PLPPR5: variants seen among roughly 807,000 people sequenced by gnomAD.
PLPPR5 encodes phospholipid phosphatase-related protein type 5.
In PLPPR5, 16 loss-of-function variants were observed where a neutral mutation model predicts 33.9. The observed-to-expected ratio is 0.47, with a 90% confidence interval of 0.32 to 0.72. The LOEUF (loss-of-function observed/expected upper bound fraction) is 0.72, where lower values mean the gene tolerates loss of function less well. Among genes scored for constraint, PLPPR5 ranks in the 30% least tolerant of loss-of-function variants. The pLI is 0.03. For synonymous variants in PLPPR5, 163 were observed against 150.3 expected (o/e 1.08, Z -0.62); for missense variants, 301 against 406.7 (o/e 0.74, Z 2.23).
chr1:98,893,172 C>G, intron 5 of PLPPR5, 68 bp from the exon 6 acceptor site: 1 of 1,414,240 alleles, frequency 7.1e-7, no homozygotes. Context: ...ATATGTAGTA[C>G]CTTTACAAAT....
chr1:98,911,461 G>A (rs114630346), intron 5 of PLPPR5, among the ~76,000 whole-genome samples: 2,048 of 151,918 alleles, frequency 0.013, 18 homozygotes, highest in Non-Finnish European at 0.017. Flanking sequence ...GAATTTTTTT[G>A]CTTTTACTGT....
At chr1:98,977,737 T>A (rs991457943) in intron 1 of PLPPR5, among the ~76,000 whole-genome samples, 4 of 151,528 alleles carry the variant, frequency 2.6e-5, no homozygotes, top group African/African-American at 9.7e-5. Flanking sequence ...AACCTAACAT[T>A]TGCTTGGAAG....
chr1:99,004,450 C>A lies in PLPPR5; in HGVS notation c.222G>T (p.Gly74=), dbSNP rs1403750677. The change falls in exon 1 of 6, where the codon GGG becomes GGT. Residue 74 remains glycine (G), a synonymous_variant. Coordinates refer to ENST00000263177, the MANE Select transcript of PLPPR5 (RefSeq NM_001037317.2). Reference sequence around the variant, plus strand: ...CCGGGCTTACCACGAGCACGGGGACCCCGGCGGCCAGCGAGTAGAGGAGCA... The same window carrying A: ...CCGGGCTTACCACGAGCACGGGGACACCGGCGGCCAGCGAGTAGAGGAGCA... ...PPVLLYSLAA[G]VPVLVIIVGE... 3.7e-6 allele frequency: 6 copies of A among 1,605,784 alleles called. No homozygotes were observed. The African/African-American group carries it at 4.0e-5, about 11-fold the overall frequency.
intron 5 of PLPPR5, among the ~76,000 whole-genome samples, chr1:98,912,378 A>G (rs1016379022): frequency 2.0e-5 from 3 of 152,202 alleles, no homozygotes; most frequent in Non-Finnish European, 2.9e-5. Flanking sequence ...TCTCAGAACC[A>G]TCTAGGCTGG....
intron 1 of PLPPR5, among the ~76,000 whole-genome samples, chr1:98,999,215 C>A (rs1263133143): frequency 6.6e-6 from 1 of 152,216 alleles, no homozygotes; most frequent in African/African-American, 2.4e-5. Flanking sequence ...TTAATCAACA[C>A]AGCCTTGGAA....
At chr1:98,926,002 G>A (rs1467268446) in intron 3 of PLPPR5, among the ~76,000 whole-genome samples, 1 of 152,140 alleles carries the variant, frequency 6.6e-6, no homozygotes, top group Non-Finnish European at 1.5e-5. Context: ...CTAGCTTTTG[G>A]AGAACCTTTT....
intron 5 of PLPPR5, among the ~76,000 whole-genome samples, chr1:98,902,717 C>T (rs1648742150): frequency 6.6e-6 from 1 of 152,182 alleles, no homozygotes; most frequent in African/African-American, 2.4e-5. Context: ...AGGTTCCCAT[C>T]CATGTGTAAC....
intron 5 of PLPPR5, among the ~76,000 whole-genome samples, chr1:98,911,974 G>T (rs1170754117): frequency 6.6e-6 from 1 of 152,086 alleles, no homozygotes; most frequent in African/African-American, 2.4e-5. Context: ...TATTGTTACA[G>T]CCCAGGGTGG....
chr1:98,925,595 T>C (rs1649724815), intron 3 of PLPPR5, among the ~76,000 whole-genome samples: 2 of 152,222 alleles, frequency 1.3e-5, no homozygotes, highest in South Asian at 4.1e-4. Flanking sequence ...GTAATATGCA[T>C]TGACTCACTT....
intron 1 of PLPPR5, among the ~76,000 whole-genome samples, chr1:98,977,886 C>CAGT: frequency 6.6e-6 from 1 of 151,858 alleles, no homozygotes; most frequent in East Asian, 2.0e-4. Flanking sequence ...TCTTACAAAC[C>CAGT]AGTAACCAAA....
intron 3 of PLPPR5, among the ~76,000 whole-genome samples, chr1:98,925,522 A>T (rs1185886535): frequency 6.6e-6 from 1 of 152,232 alleles, no homozygotes; most frequent in Non-Finnish European, 1.5e-5. Flanking sequence ...TAACACACAT[A>T]TAAAAAGGTT....
chr1:98,914,574 G>A (rs1001803028), intron 5 of PLPPR5, among the ~76,000 whole-genome samples: 1 of 152,060 alleles, frequency 6.6e-6, no homozygotes, highest in Non-Finnish European at 1.5e-5. Context: ...TACAGGCCAG[G>A]TGTAAGCCAT....
chr1:98,979,648 C>A (rs1017201601), intron 1 of PLPPR5, among the ~76,000 whole-genome samples: 1 of 151,976 alleles, frequency 6.6e-6, no homozygotes, highest in Non-Finnish European at 1.5e-5. Flanking sequence ...TCCCAGGTTG[C>A]AGATTTCTGC....
intron 1 of PLPPR5, among the ~76,000 whole-genome samples, chr1:99,003,429 G>T (rs1347632387): frequency 6.6e-6 from 1 of 151,868 alleles, no homozygotes; most frequent in Non-Finnish European, 1.5e-5. Context: ...TTTGTTATCT[G>T]TTGAGGGAGA....
At chr1:98,909,995 T>C (rs1283502993) in intron 5 of PLPPR5, among the ~76,000 whole-genome samples, 1 of 152,242 alleles carries the variant, frequency 6.6e-6, no homozygotes, top group African/African-American at 2.4e-5. Flanking sequence ...AAAACTCCTA[T>C]AATTAAGGGA....
chr1:98,964,665 CTG>C (rs1651368252), intron 1 of PLPPR5, among the ~76,000 whole-genome samples: 1 of 152,198 alleles, frequency 6.6e-6, no homozygotes, highest in African/African-American at 2.4e-5. Flanking sequence ...AAGCACCTGT[CTG>C]TTCCCAGTTG....
chr1:98,940,229 G>C (rs1650323065), intron 3 of PLPPR5, among the ~76,000 whole-genome samples: 3 of 151,830 alleles, frequency 2.0e-5, no homozygotes, highest in South Asian at 4.2e-4. Flanking sequence ...GCATACTTGA[G>C]TACTGGTGTG....
intron 3 of PLPPR5, among the ~76,000 whole-genome samples, chr1:98,925,417 C>A (rs151275005): frequency 6.6e-6 from 1 of 152,230 alleles, no homozygotes; most frequent in East Asian, 1.9e-4. Flanking sequence ...CACTAAGATG[C>A]AGAAAGCCAA....
intron 1 of PLPPR5, among the ~76,000 whole-genome samples, chr1:98,993,439 G>C (rs145726468): frequency 5.7e-4 from 86 of 152,184 alleles, no homozygotes; most frequent in African/African-American, 2.0e-3. Context: ...AGGAGCCAGA[G>C]AGAAGAGGAA....
Sources: allele counts gnomAD v4.1 joint callset (sites outside exome capture counted in the v4.1 genomes callset), GRCh38; gene constraint gnomAD v4.1.1; transcripts MANE v1.5; gene names NCBI Gene and HGNC (gene_info 2026-07-23, HGNC 2026-07-21).